The following CHM variants were observed in gnomAD, a reference collection of about 807,000 sequenced individuals.
CHM encodes the protein CHM Rab escort protein, also known as rab proteins geranylgeranyltransferase component A 1.
Under a neutral mutation model 49.0 loss-of-function variants are expected in CHM, and 10 were observed. The observed-to-expected ratio is 0.20, with a 90% CI of 0.13 to 0.35. The LOEUF (loss-of-function observed/expected upper bound fraction) is 0.35. Among genes scored for constraint, CHM ranks in the 10% least tolerant of loss-of-function variants. The pLI, the probability that CHM is intolerant of heterozygous loss-of-function variation, is 1.00. For missense variants in CHM, 455 were observed against 478.4 expected, an observed-to-expected ratio of 0.95 and a Z score of 0.46; for synonymous variants, 184 against 167.5, an observed-to-expected ratio of 1.10 and a Z score of -0.76.
intron 8 of CHM, among the ~76,000 whole-genome samples, chrX:85,948,976 A>T: frequency 8.9e-6 from 1 of 111,916 alleles, no homozygotes; most frequent in Non-Finnish European, 1.9e-5. Flanking sequence ...AAATGTAAGA[A>T]CTCAAGAGAA....
At position 86,047,077 on chromosome X, in the gene CHM, T is replaced by A. The variant is rs113959555; in HGVS notation, c.49+407A>T. On this transcript the variant is annotated intron_variant, in intron 1 of 14. Coordinates refer to ENST00000357749, the MANE Select transcript of CHM (RefSeq NM_000390.4). ...CATACAAATCTATGAAAAAGTCCTA[T>A]GAAATGGCGAGACAAAATGATGGGG... is the stretch of plus-strand genomic sequence containing the variant. Among the ~76,000 whole-genome samples the A allele has an allele frequency of 7.4e-3, 822 of 111,262 alleles. 3 individuals are homozygous for A. The highest frequency in any genetic ancestry group is 0.011 in the Non-Finnish European group (608 of 53,073).
chrX:85,952,570 G>C (rs1160435488), intron 8 of CHM, among the ~76,000 whole-genome samples: 1 of 112,369 alleles, frequency 8.9e-6, no homozygotes, highest in Non-Finnish European at 1.9e-5. Context: ...GTAATACCCA[G>C]GTAGTATGCC....
At chrX:85,877,029 C>T (rs1924460118) in intron 13 of CHM, among the ~76,000 whole-genome samples, 1 of 110,614 alleles carries the variant, frequency 9.0e-6, no homozygotes, top group East Asian at 2.8e-4. Context: ...GGTTTCTACA[C>T]AAAGTATAGT....
chrX:86,031,722 C>T (rs1934052640), intron 1 of CHM, among the ~76,000 whole-genome samples: 2 of 108,594 alleles, frequency 1.8e-5, no homozygotes, highest in East Asian at 5.8e-4. Context: ...TGCCCATAAT[C>T]CCAGCTACTC....
At chrX:86,003,692 CAAG>C (rs1475863190) in intron 2 of CHM, among the ~76,000 whole-genome samples, 3 of 111,346 alleles carry the variant, frequency 2.7e-5, no homozygotes, top group African/African-American at 9.8e-5. Flanking sequence ...TAAAATAAAG[CAAG>C]AAGACAAGGT....
intron 2 of CHM, among the ~76,000 whole-genome samples, chrX:86,020,761 TATTC>T (rs1933506631): frequency 9.6e-6 from 1 of 104,103 alleles, no homozygotes; most frequent in Non-Finnish European, 2.0e-5. Context: ...AGATAAGGGC[TATTC>T]ATTCACCTGT....
At chrX:85,895,913 G>A (rs771038137) in intron 11 of CHM, among the ~76,000 whole-genome samples, 1 of 108,720 alleles carries the variant, frequency 9.2e-6, no homozygotes, top group African/African-American at 3.3e-5. Context: ...TGATTTCTAC[G>A]ACTATCACCT....
intron 8 of CHM, among the ~76,000 whole-genome samples, chrX:85,913,012 C>T (rs1603248676): frequency 2.9e-5 from 1 of 34,567 alleles, no homozygotes. Flanking sequence ...GACTCCATCT[C>T]AGAAAAAAAA....
intron 2 of CHM, among the ~76,000 whole-genome samples, chrX:86,021,329 A>G (rs1933596800): frequency 9.3e-6 from 1 of 107,442 alleles, no homozygotes. Flanking sequence ...AATCCATTAC[A>G]TAGATTAGTT....
At chrX:86,007,048 G>C (rs1262494165) in intron 2 of CHM, among the ~76,000 whole-genome samples, 1 of 111,625 alleles carries the variant, frequency 9.0e-6, no homozygotes, top group African/African-American at 3.3e-5. Context: ...CATGGCACTG[G>C]TACCAAAACA....
Position 86,001,794 on chromosome X carries a change from T to C in CHM, c.117-19985A>G, listed in dbSNP as rs188524783. Among the ~76,000 whole-genome samples, 33 of 110,007 alleles carry C rather than the reference T, an allele frequency of 3.0e-4. No individual in the cohort carries two copies. The Middle Eastern group carries it at 0.014, about 46-fold the overall frequency. On this transcript the variant is annotated intron_variant, in intron 2 of 14. Coordinates refer to ENST00000357749, the MANE Select transcript of CHM (RefSeq NM_000390.4). ...GGAGGGGACAAATATCCGAGCCACA[T>C]CACAGCCCATTACAATCAATTGAAA... is the stretch of plus-strand genomic sequence containing the variant.
chrX:86,031,827 A>G (rs1338182813), intron 1 of CHM, among the ~76,000 whole-genome samples: 1 of 111,745 alleles, frequency 8.9e-6, no homozygotes, highest in African/African-American at 3.3e-5. Flanking sequence ...GCAACAAGAG[A>G]AAAACTCCGT....
At chrX:85,917,608 T>G (rs1927532895) in intron 8 of CHM, among the ~76,000 whole-genome samples, 1 of 110,809 alleles carries the variant, frequency 9.0e-6, no homozygotes, top group South Asian at 3.8e-4. Context: ...AGAACCTGGA[T>G]GGGAAGAAAG....
intron 8 of CHM, among the ~76,000 whole-genome samples, chrX:85,913,337 AAAGAAAGAAAGAAAGAAAGAAAG>A (rs1569411158): frequency 1.9e-4 from 10 of 52,560 alleles, no homozygotes; most frequent in African/African-American, 6.0e-4. Flanking sequence ...AAAAAAAAAG[AAAGAAAGAAAGAAAGAAAGAAAG>A]AAAGAAAGAA....
intron 4 of CHM, among the ~76,000 whole-genome samples, chrX:85,964,310 A>T (rs969602728): frequency 9.0e-6 from 1 of 111,300 alleles, no homozygotes; most frequent in Non-Finnish European, 1.9e-5. Flanking sequence ...CACAGTCTTC[A>T]GAATAACAGA....
intron 2 of CHM, among the ~76,000 whole-genome samples, chrX:86,021,045 C>T (rs752619548): frequency 9.6e-4 from 91 of 95,133 alleles, no homozygotes; most frequent in African/African-American, 3.3e-3. Context: ...TATATATACA[C>T]ATATATACAC....
intron 8 of CHM, among the ~76,000 whole-genome samples, chrX:85,948,356 T>G (rs1456795312): frequency 8.9e-6 from 1 of 112,131 alleles, no homozygotes; most frequent in African/African-American, 3.2e-5. Flanking sequence ...TAGGGAAAAC[T>G]GTAAAGCTTG....
chrX:86,047,503 A>T lies in CHM; in HGVS notation c.30T>A (p.Asp10Glu). 1 of 1,208,898 alleles carries T rather than the reference A, an allele frequency of 8.3e-7. No homozygotes were observed. Among genetic ancestry groups the T allele is most frequent in the Non-Finnish European group, 1.1e-6 (1 of 893,585 alleles). The change falls in exon 1 of 15, where the codon GAT (aspartate) becomes GAA (glutamate). Residue 10 changes from aspartate to glutamate, a missense_variant. By Grantham distance (45) the Asp-to-Glu change is conservative. Transcript: ENST00000357749. MADTLPSEF[D>E]VIVIGTGLPE... ...ACATACCCGTCCCTATTACGATCAC[A>T]TCAAACTCCGAAGGGAGAGTATCCG... is the stretch of plus-strand genomic sequence containing the variant.
intron 8 of CHM, among the ~76,000 whole-genome samples, chrX:85,934,512 C>T (rs1278318337): frequency 9.9e-6 from 1 of 100,538 alleles, no homozygotes; most frequent in Non-Finnish European, 2.0e-5. Context: ...TCAATTCCCA[C>T]CTATGAGTGA....
Sources: allele counts gnomAD v4.1 joint callset (sites outside exome capture counted in the v4.1 genomes callset), GRCh38; gene constraint gnomAD v4.1.1; transcripts MANE v1.5; gene names NCBI Gene and HGNC (gene_info 2026-07-23, HGNC 2026-07-21).